The following DST variants were observed in gnomAD, a reference collection of about 807,000 sequenced individuals.
DST encodes the protein dystonin, also known as bullous pemphigoid antigen.
A neutral mutation model predicts 875.2 loss-of-function variants in DST; 253 were observed. The observed-to-expected ratio is 0.29, with a 90% confidence interval of 0.26 to 0.32. The LOEUF (loss-of-function observed/expected upper bound fraction) is 0.32, where lower values mean the gene tolerates loss of function less well. Ranked by LOEUF, DST falls within the 10% of genes least tolerant of loss-of-function variation. The pLI is 1.00. For synonymous variants in DST, 3,124 were observed against 3,197.1 expected, an observed-to-expected ratio of 0.98 and a Z score of 0.77; for missense variants, 8,287 against 9,111.6, an observed-to-expected ratio of 0.91 and a Z score of 3.68.
chr6:56,478,936 A>C (rs780455385), intron 90 of DST, among the ~76,000 whole-genome samples: 10 of 152,248 alleles, frequency 6.6e-5, no homozygotes, highest in African/African-American at 2.4e-4. Flanking sequence ...AATTAAATAA[A>C]AAAGCTTCTG....
chr6:56,861,334 T>C (rs1771041602), intron 3 of DST, among the ~76,000 whole-genome samples: 1 of 152,206 alleles, frequency 6.6e-6, no homozygotes, highest in South Asian at 2.1e-4. Flanking sequence ...TGCTGCTACC[T>C]TAAGCTGCAC....
chr6:56,529,930 C>T, intron 65 of DST, 44 bp downstream of exon 65: 1 of 1,602,100 alleles, frequency 6.2e-7, no homozygotes, highest in Non-Finnish European at 8.5e-7. Context: ...CACAAAACCA[C>T]ACAATAAAAA....
intron 2 of DST, among the ~76,000 whole-genome samples, chr6:56,944,493 A>C (rs1044932743): frequency 9.2e-5 from 14 of 151,826 alleles, no homozygotes; most frequent in Middle Eastern, 3.4e-3. Context: ...TTTTTGTTGG[A>C]GGTGTATGAG....
At chr6:56,566,340 G>A (rs961316256) in intron 55 of DST, among the ~76,000 whole-genome samples, 3 of 152,200 alleles carry the variant, frequency 2.0e-5, no homozygotes, top group Admixed American at 6.5e-5. Flanking sequence ...GGCACCCGAG[G>A]GAATCTCCTG....
At chr6:56,809,293 C>T (rs2099756960) in intron 4 of DST, among the ~76,000 whole-genome samples, 1 of 152,188 alleles carries the variant, frequency 6.6e-6, no homozygotes, top group South Asian at 2.1e-4. Flanking sequence ...GAACAAATCT[C>T]AACTGCCCCT....
Position 56,605,949 on chromosome 6 carries a change from G to C in DST, c.8679C>G (p.Ser2893Arg). The C allele has an allele frequency of 1.2e-6, 2 of 1,612,526 alleles. No individual in the cohort carries two copies. The highest frequency in any genetic ancestry group is 1.7e-6 in the Non-Finnish European group (2 of 1,179,350). The change falls in exon 40 of 104, where the codon AGC becomes AGG. Residue 2893 changes from serine (S) to arginine (R), a missense_variant. Around this residue, in one of 10 missense-constraint regions of DST, gnomAD observed 3,138 missense variants for 3,116.6 expected, o/e 1.01. Transcript: ENST00000680361. Reference sequence around the variant, plus strand: ...TCTCAGTTGTATATTCTGGAAGGTTGCTTTTTTCAGTAACTAAGTTATTTT... The same window carrying C: ...TCTCAGTTGTATATTCTGGAAGGTTCCTTTTTTCAGTAACTAAGTTATTTT... Reference protein sequence around the residue: ...PSENNLVTEKSNLPEYTTEIA... With the variant: ...PSENNLVTEKRNLPEYTTEIA...
Position 56,807,502 on chromosome 6 carries a change from TATC to T in DST, c.625+43892_625+43894del, listed in dbSNP as rs1304536003. Among the ~76,000 whole-genome samples, 3 of 152,312 alleles carry T rather than the reference TATC, an allele frequency of 2.0e-5. No individual in the cohort carries two copies. The East Asian group carries it at 5.8e-4, about 29-fold the overall frequency. ...ATTACCTGATTGCAACATTTAAAGC[TATC>T]ATCATCAAGATGGTGTGGTAATGGC... On this transcript the variant is annotated intron_variant, in intron 4 of 103. Coordinates refer to ENST00000680361, the MANE Select transcript of DST (RefSeq NM_001374736.1).
chr6:56,674,467 C>T (rs538769572), intron 9 of DST, among the ~76,000 whole-genome samples: 1 of 151,978 alleles, frequency 6.6e-6, no homozygotes, highest in Non-Finnish European at 1.5e-5. Flanking sequence ...CTGGCAATTT[C>T]TGTATTTTTA....
chr6:56,587,561 T>C lies in DST; in HGVS notation c.12903+4621A>G, dbSNP rs887050759. ...ATTCAGATTCAGGAAATACAGAGAA[T>C]GCCACAAAGATACTCCTCGAGAGGA... On this transcript the variant is annotated intron_variant, in intron 49 of 103. Coordinates refer to ENST00000680361, the MANE Select transcript of DST (RefSeq NM_001374736.1). Among the ~76,000 whole-genome samples, 379 of 152,050 alleles carry C rather than the reference T, an allele frequency of 2.5e-3. 2 individuals carry two copies. The highest frequency in any genetic ancestry group is 8.8e-3 in the African/African-American group (363 of 41,458).
intron 60 of DST, among the ~76,000 whole-genome samples, chr6:56,554,651 A>G (rs990548007): frequency 6.6e-6 from 1 of 152,226 alleles, no homozygotes; most frequent in Admixed American, 6.5e-5. Context: ...GATATTTACT[A>G]TTGTTAATGT....
At chr6:56,893,310 A>T (rs1788536872) in intron 3 of DST, among the ~76,000 whole-genome samples, 1 of 152,190 alleles carries the variant, frequency 6.6e-6, no homozygotes, top group Non-Finnish European at 1.5e-5. Context: ...AATCTCATCC[A>T]GGTCACTGCA....
Position 56,526,565 on chromosome 6 carries a change from T to C in DST, c.17925A>G (p.Glu5975=). ...TGTTGTTCTTAGCTTCCTTTTTCAGTTCCTGAAAACATACAAATAAGTTAG... is the reference window on the plus strand; with the variant it reads ...TGTTGTTCTTAGCTTCCTTTTTCAGCTCCTGAAAACATACAAATAAGTTAG... ...EASQAQMRPK[E]LKKEAKNNKA... The change falls in exon 69 of 104, where the codon GAA becomes GAG. Residue 5975 remains glutamate (E), a splice_region_variant and synonymous_variant. Coordinates refer to ENST00000680361, the MANE Select transcript of DST (RefSeq NM_001374736.1). The C allele has an allele frequency of 6.2e-7, 1 of 1,612,928 alleles. No homozygotes were observed. The highest frequency in any genetic ancestry group is 8.5e-7 in the Non-Finnish European group (1 of 1,179,266).
intron 75 of DST, among the ~76,000 whole-genome samples, chr6:56,508,188 C>T (rs985331265): frequency 2.6e-5 from 4 of 152,176 alleles, no homozygotes; most frequent in African/African-American, 9.6e-5. Context: ...TGTGTACCAC[C>T]ACGCTTAACT....
At chr6:56,711,190 AG>A (rs2099361888) in intron 5 of DST, among the ~76,000 whole-genome samples, 1 of 152,192 alleles carries the variant, frequency 6.6e-6, no homozygotes, top group African/African-American at 2.4e-5. Flanking sequence ...AGGTGGAACT[AG>A]GTAGTTAAAT....
chr6:56,709,950 T>C (rs575097511), intron 5 of DST, among the ~76,000 whole-genome samples: 1 of 152,218 alleles, frequency 6.6e-6, no homozygotes, highest in South Asian at 2.1e-4. Flanking sequence ...GTGAAGTCAA[T>C]GAAGCATGAG....
intron 3 of DST, chr6:56,851,969 C>A: frequency 3.4e-6 from 5 of 1,468,102 alleles, no homozygotes; most frequent in South Asian, 1.4e-5. Flanking sequence ...TTGGCTCCCC[C>A]ACCAGGACAG....
At position 56,619,683 on chromosome 6, in the gene DST, T is replaced by C. The variant is rs2098668150; in HGVS notation, c.4929+4847A>G. 8 of 1,614,018 alleles carry C rather than the reference T, an allele frequency of 5.0e-6. No homozygotes were observed. The highest frequency in any genetic ancestry group is 6.8e-6 in the Non-Finnish European group (8 of 1,180,040). On this transcript the variant is annotated intron_variant, in intron 36 of 103. Transcript: ENST00000680361. ...GCTTCTTGCATGGCTTCTTCAGCTT[T>C]ACCTGTGGTTTGATTCAATTGCCTA...
chr6:56,547,742 T>C (rs1489942422), intron 61 of DST, among the ~76,000 whole-genome samples: 1 of 152,244 alleles, frequency 6.6e-6, no homozygotes, highest in Non-Finnish European at 1.5e-5. Context: ...TCAAACTGCC[T>C]GTCTTCCTTA....
At position 56,701,958 on chromosome 6, in the gene DST, T is replaced by C; in HGVS notation, c.884A>G (p.Glu295Gly). 1 of 1,609,498 alleles carries C rather than the reference T, an allele frequency of 6.2e-7. No individual in the cohort carries two copies. Among genetic ancestry groups the C allele is most frequent in the Non-Finnish European group, 8.5e-7 (1 of 1,176,492 alleles). The change falls in exon 8 of 104, where the codon GAA becomes GGA. Residue 295 changes from glutamate (E) to glycine (G), a missense_variant. Glu to Gly is a moderately conservative substitution (Grantham distance 98). Around this residue, in one of 10 missense-constraint regions of DST, gnomAD observed 1,160 missense variants for 1,424.3 expected, o/e 0.81. Transcript: ENST00000680361. Reference sequence around the variant, plus strand: ...TCTGTGAAAACGCATCCGACCTTTTTCTCTGGGCTAAGAACAGAAAAATGC... The same window carrying C: ...TCTGTGAAAACGCATCCGACCTTTTCCTCTGGGCTAAGAACAGAAAAATGC... ...DVEDEDKGPR[E>G]KGRMRFHRLQ... is the part of the protein sequence containing the mutation.
Sources: allele counts gnomAD v4.1 joint callset (sites outside exome capture counted in the v4.1 genomes callset), GRCh38; gene constraint gnomAD v4.1.1; regional missense constraint gnomAD v4.1.1; transcripts MANE v1.5; gene names NCBI Gene and HGNC (gene_info 2026-07-23, HGNC 2026-07-21).